The following RTL9 variants were observed in gnomAD, a reference collection of about 807,000 sequenced individuals.
The protein encoded by RTL9 is retrotransposon Gag like 9.
In RTL9, 19 loss-of-function variants were observed where a neutral mutation model predicts 44.7. The ratio of observed to expected loss-of-function variants is 0.42; its 90% CI spans 0.30 to 0.62. The LOEUF (loss-of-function observed/expected upper bound fraction) is 0.62, where lower values mean the gene tolerates loss of function less well. RTL9 is among the 20% of genes least tolerant of loss of function. The pLI is 0.16. For missense variants in RTL9, 1,105 were observed against 1,080.6 expected (o/e 1.02, Z -0.32); for synonymous variants, 407 against 398.9 (o/e 1.02, Z -0.24).
intron 1 of RTL9, among the ~76,000 whole-genome samples, chrX:110,410,752 C>T (rs2068636456): frequency 9.0e-6 from 1 of 111,141 alleles, no homozygotes; most frequent in Non-Finnish European, 1.9e-5. Context: ...ATGTAGTCAC[C>T]TGTCGTTTCA....
chrX:110,453,444 G>A (rs973355826), exon 1 of RTL9: 1 of 1,208,727 alleles, frequency 8.3e-7, no homozygotes, highest in Admixed American at 2.2e-5. Context: ...ACAAACAACA[G>A]CCATGGTCTC....
intron 1 of RTL9, among the ~76,000 whole-genome samples, chrX:110,405,660 G>A (rs1224234056): frequency 2.7e-5 from 3 of 111,775 alleles, no homozygotes; most frequent in Non-Finnish European, 5.6e-5. Flanking sequence ...TATGCTAAGT[G>A]TTTTATATAA....
At chrX:110,440,272 G>A (rs2068870522) in intron 1 of RTL9, 1 of 112,125 alleles carries the variant, frequency 8.9e-6, no homozygotes, top group Non-Finnish European at 1.9e-5. Flanking sequence ...CGGGTCCAGG[G>A]TAGAGAGCTC....
chrX:110,384,283 T>C (rs1239411792), intron 1 of RTL9, among the ~76,000 whole-genome samples: 5 of 110,738 alleles, frequency 4.5e-5, no homozygotes, highest in Non-Finnish European at 9.4e-5. Flanking sequence ...TATATTATAC[T>C]GAAAAAAGCA....
At chrX:110,409,359 C>T (rs745873246) in intron 1 of RTL9, among the ~76,000 whole-genome samples, 1 of 111,470 alleles carries the variant, frequency 9.0e-6, no homozygotes, top group Non-Finnish European at 1.9e-5. Context: ...AAGGGACTGA[C>T]GTCAGATGGT....
exon 1 of RTL9, chrX:110,451,236 C>A: frequency 1.7e-6 from 2 of 1,211,822 alleles, no homozygotes. Flanking sequence ...ATCCCCAATT[C>A]TAATGCAAGA....
At chrX:110,364,950 G>A (rs2068287536) in intron 1 of RTL9, among the ~76,000 whole-genome samples, 1 of 112,000 alleles carries the variant, frequency 8.9e-6, no homozygotes, top group Admixed American at 9.5e-5. Flanking sequence ...ATGTCTCTAG[G>A]AGTTCATTAT....
intron 1 of RTL9, among the ~76,000 whole-genome samples, chrX:110,379,058 A>G (rs1200004832): frequency 1.8e-5 from 2 of 111,686 alleles, no homozygotes; most frequent in Non-Finnish European, 3.8e-5. Context: ...TCACTACTCA[A>G]ATAAAGTTTG....
At chrX:110,409,815 C>T (rs958121645) in intron 1 of RTL9, among the ~76,000 whole-genome samples, 1 of 111,367 alleles carries the variant, frequency 9.0e-6, no homozygotes, top group Non-Finnish European at 1.9e-5. Context: ...GGGGGCAGCA[C>T]CTCACTTAGA....
chrX:110,381,551 A>C (rs1268968542), intron 1 of RTL9, among the ~76,000 whole-genome samples: 1 of 112,080 alleles, frequency 8.9e-6, no homozygotes, highest in African/African-American at 3.2e-5. Flanking sequence ...ATACCATTTG[A>C]TCCAGCAGTC....
intron 1 of RTL9, among the ~76,000 whole-genome samples, chrX:110,425,680 C>T (rs1411583451): frequency 8.9e-6 from 1 of 112,212 alleles, no homozygotes; most frequent in Non-Finnish European, 1.9e-5. Context: ...CACAGCCCTA[C>T]AGGAGCAAGT....
intron 1 of RTL9, among the ~76,000 whole-genome samples, chrX:110,441,730 G>A (rs942729234): frequency 5.4e-5 from 6 of 111,933 alleles, no homozygotes; most frequent in African/African-American, 2.0e-4. Context: ...GCCACCAAAT[G>A]AGCTTGCCAC....
At chrX:110,415,243 A>G (rs1016883308), upstream of RTL9, among the ~76,000 whole-genome samples, 7 of 112,177 alleles carry the variant, frequency 6.2e-5, no homozygotes, top group African/African-American at 2.3e-4. Flanking sequence ...GAGAAGAAAA[A>G]GCTCTCACTT....
intron 1 of RTL9, among the ~76,000 whole-genome samples, chrX:110,408,206 G>A (rs2068616298): frequency 8.9e-6 from 1 of 112,566 alleles, no homozygotes; most frequent in African/African-American, 3.2e-5. Context: ...GGTGCTAGTA[G>A]CAAGGATGGG....
At chrX:110,394,668 G>C (rs1408898285) in intron 1 of RTL9, among the ~76,000 whole-genome samples, 2 of 112,875 alleles carry the variant, frequency 1.8e-5, no homozygotes, top group African/African-American at 6.4e-5. Context: ...AGAGAGCAAA[G>C]GGCAAGAAGG....
At chrX:110,440,729 C>T (rs1260417954) in intron 1 of RTL9, among the ~76,000 whole-genome samples, 1 of 112,715 alleles carries the variant, frequency 8.9e-6, no homozygotes, top group Non-Finnish European at 1.9e-5. Flanking sequence ...TGATGAAATT[C>T]CCTTTTCAGT....
chrX:110,453,594 A>G lies in RTL9; in HGVS notation c.2977A>G (p.Thr993Ala), dbSNP rs1464796986. Residue 993 changes from threonine to alanine, a missense_variant, in exon 1 of 2, where the codon ACC (threonine) becomes GCC (alanine). Physicochemically the swap from Thr to Ala is moderately conservative, Grantham distance 58 (BLOSUM62 0). Coordinates refer to ENST00000540313, the Ensembl canonical transcript of RTL9. ...CTCTGGAGCAACGTCCACATTGCAA[A>G]CCAGTGTTGCGAACTCTAGATCTAT... The G allele has an allele frequency of 4.1e-6, 5 of 1,210,765 alleles. No homozygotes were observed. In the African/African-American group the frequency reaches 7.0e-5, roughly 17 times the overall value.
chrX:110,450,214 C>T (rs767548873), upstream of RTL9, among the ~76,000 whole-genome samples: 9 of 111,104 alleles, frequency 8.1e-5, no homozygotes, highest in South Asian at 1.9e-3. Flanking sequence ...TGAGTACTGC[C>T]GTGGGATAGA....
rs146553860 is a variant in RTL9, at chrX:110,439,137, A to G, written c.-167-6016A>G. ...TTTGAGGGGACTTCAGCAGTCCCCGACAGAAGGACAAGAGGGGCTGATTCT... is the reference window on the plus strand; with the variant it reads ...TTTGAGGGGACTTCAGCAGTCCCCGGCAGAAGGACAAGAGGGGCTGATTCT... On this transcript the variant is annotated intron_variant, in intron 1 of 3. Coordinates refer to the RTL9 transcript ENST00000465301. Among the ~76,000 whole-genome samples, 579 of 111,856 alleles carry G rather than the reference A, an allele frequency of 5.2e-3. 4 individuals carry two copies. The highest frequency in any genetic ancestry group is 0.018 in the African/African-American group (565 of 30,765).
Sources: gnomAD v4.1 joint callset for allele counts (sites outside exome capture counted in the v4.1 genomes callset) on GRCh38, gnomAD v4.1.1 for gene constraint, MANE v1.5 for transcripts, NCBI Gene and HGNC (gene_info 2026-07-23, HGNC 2026-07-21) for gene names.